The following DOCK1 variants were observed in gnomAD, a reference collection of about 807,000 sequenced individuals.
DOCK1 encodes the protein dedicator of cytokinesis protein 1.
Under a neutral mutation model 262.7 loss-of-function variants are expected in DOCK1, and 138 were observed. That is an observed-to-expected ratio of 0.53 (90% CI 0.46 to 0.61). The LOEUF (loss-of-function observed/expected upper bound fraction) is 0.61, where lower values mean the gene tolerates loss of function less well. Among genes scored for constraint, DOCK1 ranks in the 20% least tolerant of loss-of-function variants. The pLI is 0.00. For synonymous variants in DOCK1, 866 were observed against 867.4 expected, an observed-to-expected ratio of 1.00 and a Z score of 0.03; for missense variants, 1,908 against 2,370.7, an observed-to-expected ratio of 0.80 and a Z score of 4.05.
chr10:127,234,017 T>G (rs1201908480), intron 27 of DOCK1, among the ~76,000 whole-genome samples: 2 of 152,202 alleles, frequency 1.3e-5, no homozygotes, highest in Non-Finnish European at 2.9e-5. Context: ...TTATAGCTGA[T>G]CCTGAGGTTA....
chr10:127,429,400 C>T (rs1040517787), intron 47 of DOCK1, among the ~76,000 whole-genome samples: 12 of 152,222 alleles, frequency 7.9e-5, no homozygotes, highest in African/African-American at 2.4e-4. Flanking sequence ...CAATAAAACG[C>T]AGTCTGGGAT....
chr10:127,050,085 A>G (rs2044618499), intron 21 of DOCK1, among the ~76,000 whole-genome samples: 1 of 148,482 alleles, frequency 6.7e-6, no homozygotes, highest in South Asian at 2.1e-4. Context: ...ACCGGCTCTC[A>G]GAGGTTGGGC....
intron 29 of DOCK1, among the ~76,000 whole-genome samples, chr10:127,295,415 A>G (rs10764945): frequency 0.27 from 40,896 of 151,948 alleles, 6,387 homozygotes; most frequent in African/African-American, 0.43. Context: ...ATCCACTCCC[A>G]TGACCCAAAC....
At chr10:127,028,206 C>T (rs892790881) in intron 16 of DOCK1, among the ~76,000 whole-genome samples, 34 of 152,106 alleles carry the variant, frequency 2.2e-4, no homozygotes, top group Non-Finnish European at 4.6e-4. Flanking sequence ...GCAGGAAGGC[C>T]GCCAGCTTGG....
At chr10:127,016,428 T>G (rs1332941466) in intron 12 of DOCK1, 1 of 152,100 alleles carries the variant, frequency 6.6e-6, no homozygotes, top group Admixed American at 6.6e-5. Flanking sequence ...GGGCGTGAGG[T>G]GCGGGATTGA....
chr10:127,254,258 G>A (rs1229233943), intron 28 of DOCK1, among the ~76,000 whole-genome samples: 6 of 151,948 alleles, frequency 3.9e-5, no homozygotes, highest in Non-Finnish European at 8.8e-5. Context: ...TCTTTTCATA[G>A]CATTGCTTTT....
intron 11 of DOCK1, among the ~76,000 whole-genome samples, chr10:127,011,364 CTT>C (rs1248342757): frequency 6.6e-6 from 1 of 152,166 alleles, no homozygotes; most frequent in African/African-American, 2.4e-5. Flanking sequence ...CCCTCCCTGT[CTT>C]TTTTAACTTG....
intron 27 of DOCK1, among the ~76,000 whole-genome samples, chr10:127,214,697 C>A (rs958238706): frequency 3.9e-5 from 6 of 152,230 alleles, no homozygotes; most frequent in African/African-American, 1.2e-4. Flanking sequence ...AGGAAACACA[C>A]CCCGGGGTAG....
At position 127,324,477 on chromosome 10, in the gene DOCK1, T is replaced by C. The variant is rs114529694; in HGVS notation, c.3045-14529T>C. Among the ~76,000 whole-genome samples, 808 of 152,234 alleles carry C rather than the reference T, an allele frequency of 5.3e-3. 3 individuals carry two copies. The highest frequency in any genetic ancestry group is 0.018 in the African/African-American group (745 of 41,548). Reference sequence around the variant, plus strand: ...GCTTCTGGGCAGGACTGGGGACCCATGTACATGTCATCTCAGGGCAGCTTT... The same window carrying C: ...GCTTCTGGGCAGGACTGGGGACCCACGTACATGTCATCTCAGGGCAGCTTT... On this transcript the variant is annotated intron_variant, in intron 29 of 51. Transcript: ENST00000623213.
intron 33 of DOCK1, among the ~76,000 whole-genome samples, chr10:127,362,776 G>A (rs2064540095): frequency 7.2e-6 from 1 of 138,098 alleles, no homozygotes; most frequent in Non-Finnish European, 1.6e-5. Context: ...TCTCCTTCTG[G>A]ATCCCAAGAA....
chr10:126,936,845 G>A (rs1294871486), intron 1 of DOCK1, among the ~76,000 whole-genome samples: 1 of 152,092 alleles, frequency 6.6e-6, no homozygotes, highest in Non-Finnish European at 1.5e-5. Flanking sequence ...CAGTTCAGTG[G>A]TATTAAGGAC....
intron 6 of DOCK1, 50 bp from the exon 7 acceptor site, chr10:126,996,698 C>A: frequency 6.6e-7 from 1 of 1,507,736 alleles, no homozygotes; most frequent in Non-Finnish European, 8.8e-7. Context: ...CTAGAAAATT[C>A]AGCCTCCTTG....
intron 27 of DOCK1, among the ~76,000 whole-genome samples, chr10:127,166,732 C>T (rs1011610721): frequency 2.6e-5 from 4 of 152,204 alleles, no homozygotes; most frequent in African/African-American, 9.6e-5. Context: ...GCAGGAATTG[C>T]ATGGAGTTTT....
At chr10:127,096,614 G>A (rs1299833747) in intron 23 of DOCK1, among the ~76,000 whole-genome samples, 1 of 151,742 alleles carries the variant, frequency 6.6e-6, no homozygotes, top group Non-Finnish European at 1.5e-5. Context: ...TAATTATACT[G>A]AATAATGTAG....
chr10:127,280,325 C>T (rs914096978), intron 29 of DOCK1, among the ~76,000 whole-genome samples: 12 of 152,118 alleles, frequency 7.9e-5, no homozygotes, highest in African/African-American at 2.7e-4. Flanking sequence ...TGAGCCACCG[C>T]GCCCGGCCTT....
chr10:127,033,372 C>T (rs1215541169), intron 18 of DOCK1, among the ~76,000 whole-genome samples: 3 of 152,214 alleles, frequency 2.0e-5, no homozygotes, highest in Admixed American at 2.0e-4. Context: ...ACCACCACTG[C>T]TTGCAGCCTC....
intron 2 of DOCK1, among the ~76,000 whole-genome samples, chr10:126,975,974 A>G (rs2038509475): frequency 1.3e-5 from 2 of 152,040 alleles, no homozygotes; most frequent in South Asian, 4.2e-4. Context: ...TTATTTCCTT[A>G]TGTATTCTAA....
At chr10:126,980,149 G>T (rs1157256157) in intron 3 of DOCK1, among the ~76,000 whole-genome samples, 1 of 152,114 alleles carries the variant, frequency 6.6e-6, no homozygotes, top group Non-Finnish European at 1.5e-5. Context: ...CCTGAACACA[G>T]CAACCCAGCG....
intron 48 of DOCK1, among the ~76,000 whole-genome samples, chr10:127,435,831 C>T (rs1381541671): frequency 6.6e-6 from 1 of 152,158 alleles, no homozygotes; most frequent in African/African-American, 2.4e-5. Flanking sequence ...GAAAATGAGG[C>T]TTTGGTCTCA....
Sources: allele counts gnomAD v4.1 joint callset (sites outside exome capture counted in the v4.1 genomes callset), GRCh38; gene constraint gnomAD v4.1.1; transcripts MANE v1.5; gene names NCBI Gene and HGNC (gene_info 2026-07-23, HGNC 2026-07-21).